Variants in CNTN4 observed in about 807,000 individuals in gnomAD.
The protein encoded by CNTN4 is contactin-4.
CNTN4 carries 77 observed loss-of-function variants against 122.5 expected under a neutral mutation model. The ratio of observed to expected loss-of-function variants is 0.63; its 90% CI spans 0.52 to 0.76. CNTN4 has a LOEUF of 0.76. Among genes scored for constraint, CNTN4 ranks in the 30% least tolerant of loss-of-function variants. CNTN4 has a pLI of 0.00. For synonymous variants in CNTN4, 512 were observed against 447.0 expected (o/e 1.15, Z -1.83); for missense variants, 1,256 against 1,259.1 (o/e 1.00, Z 0.04).
chr3:2,200,349 C>T (rs2038040558), intron 2 of CNTN4, among the ~76,000 whole-genome samples: 1 of 152,186 alleles, frequency 6.6e-6, no homozygotes, highest in African/African-American at 2.4e-5. Flanking sequence ...ACAGGCCCTT[C>T]ATAAAATGGG....
chr3:2,761,541 CTCTTT>C (rs2090592819), intron 6 of CNTN4, among the ~76,000 whole-genome samples: 1 of 151,808 alleles, frequency 6.6e-6, no homozygotes, highest in Non-Finnish European at 1.5e-5. Flanking sequence ...GATTTCTTAT[CTCTTT>C]TGTCTGTGAG....
At chr3:2,326,539 TTC>T (rs1261530360) in intron 2 of CNTN4, among the ~76,000 whole-genome samples, 13 of 150,118 alleles carry the variant, frequency 8.7e-5, no homozygotes, top group South Asian at 4.2e-4. Context: ...ATCTTACTGA[TTC>T]TGTTTCTCTG....
intron 3 of CNTN4, among the ~76,000 whole-genome samples, chr3:2,379,918 A>G (rs1028787533): frequency 6.6e-6 from 1 of 152,092 alleles, no homozygotes; most frequent in Non-Finnish European, 1.5e-5. Context: ...TTAGCTGGGC[A>G]TGGTGGCACA....
intron 3 of CNTN4, chr3:2,362,266 G>T: frequency 5.5e-6 from 1 of 183,088 alleles, no homozygotes; most frequent in South Asian, 9.9e-5. Context: ...AGATGGTGGT[G>T]GCCGTGGTGC....
intron 13 of CNTN4, among the ~76,000 whole-genome samples, chr3:2,933,044 G>T (rs553781956): frequency 3.9e-5 from 6 of 152,030 alleles, no homozygotes; most frequent in African/African-American, 4.8e-5. Flanking sequence ...GGATGGTCTC[G>T]ATCTCCTGAC....
At chr3:2,964,039 T>C (rs929098371) in intron 13 of CNTN4, among the ~76,000 whole-genome samples, 40 of 152,220 alleles carry the variant, frequency 2.6e-4, no homozygotes, top group African/African-American at 9.2e-4. Flanking sequence ...GCCTGACACA[T>C]AGTAGGTTCT....
At chr3:2,400,329 A>G (rs2046792964) in intron 3 of CNTN4, among the ~76,000 whole-genome samples, 1 of 148,452 alleles carries the variant, frequency 6.7e-6, no homozygotes, top group African/African-American at 2.5e-5. Flanking sequence ...ACACACACAT[A>G]TGTAAAAGAA....
chr3:2,936,127 C>T (rs1000056822), intron 13 of CNTN4, among the ~76,000 whole-genome samples: 4 of 152,182 alleles, frequency 2.6e-5, no homozygotes, highest in Admixed American at 6.5e-5. Context: ...TTCACACTTC[C>T]TTTTAAGTTA....
intron 24 of CNTN4, 56 bp downstream of exon 24, chr3:3,054,031 C>T (rs1701539823): frequency 4.5e-6 from 7 of 1,567,700 alleles, no homozygotes; most frequent in Non-Finnish European, 5.3e-6. Flanking sequence ...TATCAGCCTT[C>T]CAGATGAGTC....
At chr3:2,376,284 T>A (rs1221228778) in intron 3 of CNTN4, among the ~76,000 whole-genome samples, 1 of 152,162 alleles carries the variant, frequency 6.6e-6, no homozygotes, top group Non-Finnish European at 1.5e-5. Context: ...GAATAATAAT[T>A]ATTATTCCCT....
intron 3 of CNTN4, among the ~76,000 whole-genome samples, chr3:2,400,449 A>ATC (rs1553640928): frequency 9.7e-5 from 12 of 124,278 alleles, no homozygotes; most frequent in African/African-American, 2.3e-4. Context: ...ATATATATAT[A>ATC]TCTCTTTTTT....
At chr3:2,274,834 G>A (rs2149842667) in intron 2 of CNTN4, among the ~76,000 whole-genome samples, 1 of 152,248 alleles carries the variant, frequency 6.6e-6, no homozygotes, top group African/African-American at 2.4e-5. Context: ...CCATGTCCCT[G>A]TGATAAGGCT....
intron 7 of CNTN4, among the ~76,000 whole-genome samples, chr3:2,862,023 C>A (rs937623495): frequency 6.6e-6 from 1 of 152,206 alleles, no homozygotes; most frequent in Non-Finnish European, 1.5e-5. Context: ...CCATCCCTGC[C>A]ACTTGTCAAA....
chr3:2,486,102 AC>A (rs2076153025), intron 3 of CNTN4, among the ~76,000 whole-genome samples: 1 of 152,144 alleles, frequency 6.6e-6, no homozygotes, highest in Non-Finnish European at 1.5e-5. Flanking sequence ...CAGACCACGA[AC>A]CCACTGGGAG....
intron 2 of CNTN4, among the ~76,000 whole-genome samples, chr3:2,116,874 TG>T (rs2033391476): frequency 6.6e-6 from 1 of 151,992 alleles, no homozygotes; most frequent in South Asian, 2.1e-4. Flanking sequence ...GGGTTGGGGG[TG>T]GGTTCTGTGT....
intron 4 of CNTN4, among the ~76,000 whole-genome samples, chr3:2,669,762 A>G (rs549912557): frequency 3.4e-4 from 51 of 152,220 alleles, no homozygotes; most frequent in African/African-American, 1.2e-3. Flanking sequence ...ACACTCCTTT[A>G]AATGTGTCCC....
At chr3:2,989,473 C>A (rs1694864369) in intron 14 of CNTN4, among the ~76,000 whole-genome samples, 1 of 151,420 alleles carries the variant, frequency 6.6e-6, no homozygotes, top group African/African-American at 2.4e-5. Context: ...ATAAAAATAT[C>A]AAAAAAAACA....
In CNTN4 at chr3:2,485,239, T is replaced by TC. The variant is rs2076120907; in HGVS notation, c.-88-86172dup. Among the ~76,000 whole-genome samples, 4 of 152,076 alleles carry TC rather than the reference T, an allele frequency of 2.6e-5. No homozygotes were observed. In the South Asian group the frequency reaches 8.3e-4, roughly 31 times the overall value. ...GGCCGGAGCCTCCGCAGACAGCACCTCCCCCTGCTCCGCGGTGCCCGGTCC... is the reference window on the plus strand; with the variant it reads ...GGCCGGAGCCTCCGCAGACAGCACCTCCCCCCTGCTCCGCGGTGCCCGGTCC... On this transcript the variant is annotated intron_variant, in intron 3 of 24. Coordinates refer to ENST00000418658, the MANE Select transcript of CNTN4 (RefSeq NM_175607.3).
intron 6 of CNTN4, among the ~76,000 whole-genome samples, chr3:2,774,349 C>G (rs1576739367): frequency 6.6e-6 from 1 of 152,116 alleles, no homozygotes; most frequent in Non-Finnish European, 1.5e-5. Context: ...ATCTTCTTGC[C>G]TTCTGATCAA....
Sources: allele counts gnomAD v4.1 joint callset (sites outside exome capture counted in the v4.1 genomes callset), GRCh38; gene constraint gnomAD v4.1.1; transcripts MANE v1.5; gene names NCBI Gene and HGNC (gene_info 2026-07-23, HGNC 2026-07-21).